The following SNTG1 variants were observed in gnomAD, a reference collection of about 807,000 sequenced individuals.
SNTG1 encodes the protein syntrophin gamma 1.
Under a neutral mutation model 74.7 loss-of-function variants are expected in SNTG1, and 39 were observed. The observed-to-expected ratio is 0.52, with a 90% CI of 0.40 to 0.68. The LOEUF (loss-of-function observed/expected upper bound fraction) is 0.68, where lower values mean the gene tolerates loss of function less well. Ranked by LOEUF, SNTG1 falls within the 30% of genes least tolerant of loss-of-function variation. SNTG1 has a pLI of 0.00. For missense variants in SNTG1, 685 were observed against 609.5 expected (o/e 1.12, Z -1.30); for synonymous variants, 254 against 217.1 (o/e 1.17, Z -1.49).
At chr8:50,001,618 G>T (rs1381813674) in intron 1 of SNTG1, among the ~76,000 whole-genome samples, 1 of 152,128 alleles carries the variant, frequency 6.6e-6, no homozygotes, top group African/African-American at 2.4e-5. Flanking sequence ...GTATACATCA[G>T]ACTGTATATT....
At chr8:50,007,740 T>C (rs1815377591) in intron 1 of SNTG1, among the ~76,000 whole-genome samples, 1 of 151,990 alleles carries the variant, frequency 6.6e-6, no homozygotes, top group Non-Finnish European at 1.5e-5. Flanking sequence ...TTCTTGGGAA[T>C]GAATTTAGAG....
At chr8:50,519,193 A>T (rs1459618721) in intron 9 of SNTG1, among the ~76,000 whole-genome samples, 1 of 152,218 alleles carries the variant, frequency 6.6e-6, no homozygotes, top group Non-Finnish European at 1.5e-5. Flanking sequence ...AACAGAACCA[A>T]TGACAAAAAC....
intron 13 of SNTG1, among the ~76,000 whole-genome samples, chr8:50,625,119 A>G (rs1482914195): frequency 6.6e-6 from 1 of 152,172 alleles, no homozygotes; most frequent in Non-Finnish European, 1.5e-5. Flanking sequence ...CACATATATT[A>G]TCTCATTTAA....
In SNTG1 at chr8:50,119,902, C is replaced by A. The variant is rs758957572; in HGVS notation, c.-102-52659C>A. On this transcript the variant is annotated intron_variant, in intron 1 of 18. Coordinates refer to ENST00000642720, the MANE Select transcript of SNTG1 (RefSeq NM_018967.5). ...TACTCAGGATATGCATTACATACTTCTTTGAATTGGATTCAGAATTGCTAA... is the reference window on the plus strand; with the variant it reads ...TACTCAGGATATGCATTACATACTTATTTGAATTGGATTCAGAATTGCTAA... 2.7e-4 allele frequency among the ~76,000 whole-genome samples: 39 copies of A among 142,140 alleles called. 7 individuals are homozygous for A. The highest frequency in any genetic ancestry group is 2.5e-3 in the Admixed American group (35 of 13,830). 93.2% of individuals were successfully genotyped at this position (142,140 alleles called of 152,430 possible).
At chr8:49,937,451 C>T (rs143840634) in intron 1 of SNTG1, among the ~76,000 whole-genome samples, 1 of 152,306 alleles carries the variant, frequency 6.6e-6, no homozygotes, top group East Asian at 1.9e-4. Flanking sequence ...TGTGAATTAT[C>T]TCCATAAAGC....
chr8:50,323,950 T>G (rs1421106549), intron 2 of SNTG1, among the ~76,000 whole-genome samples: 1 of 152,202 alleles, frequency 6.6e-6, no homozygotes, highest in African/African-American at 2.4e-5. Flanking sequence ...AAGGCACAAG[T>G]CTTCCCTTAG....
chr8:50,677,214 C>T (rs945785313), intron 15 of SNTG1, among the ~76,000 whole-genome samples: 1 of 151,922 alleles, frequency 6.6e-6, no homozygotes, highest in East Asian at 1.9e-4. Context: ...TAAATCCTAA[C>T]ATTTTAATTT....
chr8:49,934,366 A>G (rs1807871255), intron 1 of SNTG1, among the ~76,000 whole-genome samples: 1 of 152,050 alleles, frequency 6.6e-6, no homozygotes, highest in Non-Finnish European at 1.5e-5. Flanking sequence ...CTATCTATTT[A>G]TCATATCATT....
chr8:50,636,105 C>T (rs1013441911), intron 13 of SNTG1, among the ~76,000 whole-genome samples: 1 of 103,516 alleles, frequency 9.7e-6, no homozygotes, highest in East Asian at 3.8e-4. Context: ...AGAATGGGTT[C>T]CTCATGACTC....
At chr8:50,095,054 A>G (rs2079875729) in intron 1 of SNTG1, among the ~76,000 whole-genome samples, 1 of 152,196 alleles carries the variant, frequency 6.6e-6, no homozygotes, top group African/African-American at 2.4e-5. Context: ...TAATGCAGAA[A>G]CAGAAAACCA....
chr8:50,138,628 C>CAATAATAAT (rs34280300), intron 1 of SNTG1, among the ~76,000 whole-genome samples: 44 of 140,850 alleles, frequency 3.1e-4, no homozygotes, highest in East Asian at 1.2e-3. Flanking sequence ...TCTGTCTCAA[C>CAATAATAAT]AATAATAATA....
chr8:50,668,025 A>ATTCC (rs755610223), intron 15 of SNTG1, among the ~76,000 whole-genome samples: 12 of 152,044 alleles, frequency 7.9e-5, no homozygotes, highest in Non-Finnish European at 8.8e-5. Flanking sequence ...AGGTTCAGCC[A>ATTCC]TTCCTCGTTC....
chr8:50,609,329 C>G lies in SNTG1; in HGVS notation c.849+18412C>G, dbSNP rs191121405. Among the ~76,000 whole-genome samples, 451 of 152,156 alleles carry G rather than the reference C, an allele frequency of 3.0e-3. 4 individuals carry two copies. The highest frequency in any genetic ancestry group is 5.3e-3 in the Admixed American group (81 of 15,284). On this transcript the variant is annotated intron_variant, in intron 13 of 18. Transcript: ENST00000642720. ...TATTAGAAATTGAAATCTTTGTTGA[C>G]CTTTTTTGTTTGTATCATTCAACAC... is the stretch of plus-strand genomic sequence containing the variant.
At chr8:50,188,935 C>A (rs989346808) in intron 2 of SNTG1, among the ~76,000 whole-genome samples, 1 of 152,112 alleles carries the variant, frequency 6.6e-6, no homozygotes, top group African/African-American at 2.4e-5. Flanking sequence ...AGAGGCAGAG[C>A]AGATTGCATA....
chr8:50,585,342 CTG>C (rs1208317663), intron 12 of SNTG1, among the ~76,000 whole-genome samples: 1 of 152,114 alleles, frequency 6.6e-6, no homozygotes, highest in African/African-American at 2.4e-5. Flanking sequence ...GCTTAAATAA[CTG>C]TGATCCAAAA....
At chr8:50,240,692 T>G (rs1334885237) in intron 2 of SNTG1, among the ~76,000 whole-genome samples, 2 of 152,148 alleles carry the variant, frequency 1.3e-5, no homozygotes, top group Non-Finnish European at 2.9e-5. Flanking sequence ...TAAGCAACAC[T>G]TCGGTTCTTC....
At chr8:49,979,420 T>A (rs7014520) in intron 1 of SNTG1, among the ~76,000 whole-genome samples, 105,283 of 152,176 alleles carry the variant, frequency 0.69, 38,323 homozygotes, top group East Asian at 0.86. Flanking sequence ...TGTGTGGCTT[T>A]AAGTCAGGTT....
intron 1 of SNTG1, among the ~76,000 whole-genome samples, chr8:50,056,921 A>G (rs1002917081): frequency 1.3e-5 from 2 of 152,174 alleles, no homozygotes; most frequent in Admixed American, 1.3e-4. Flanking sequence ...CTGAGCCTCC[A>G]GGTTTAGGTT....
intron 2 of SNTG1, among the ~76,000 whole-genome samples, chr8:50,271,708 T>C (rs1278325613): frequency 6.6e-6 from 1 of 152,176 alleles, no homozygotes; most frequent in Non-Finnish European, 1.5e-5. Context: ...TCCTAAATAT[T>C]TCATCCTGAA....
Sources: gnomAD v4.1 joint callset for allele counts (sites outside exome capture counted in the v4.1 genomes callset) on GRCh38, gnomAD v4.1.1 for gene constraint, MANE v1.5 for transcripts, NCBI Gene and HGNC (gene_info 2026-07-23, HGNC 2026-07-21) for gene names.